TOGARAM1: variants seen among roughly 807,000 people sequenced by gnomAD.
TOGARAM1 encodes the protein TOG array regulator of axonemal microtubules protein 1.
TOGARAM1 carries 100 observed loss-of-function variants against 166.6 expected under a neutral mutation model. The ratio of observed to expected loss-of-function variants is 0.60; its 90% confidence interval spans 0.51 to 0.71. TOGARAM1 has a LOEUF of 0.71. Ranked by LOEUF, TOGARAM1 falls within the 30% of genes least tolerant of loss-of-function variation. The pLI is 0.00. For missense variants in TOGARAM1, 2,029 were observed against 2,102.7 expected (o/e 0.96, Z 0.69); for synonymous variants, 758 against 763.8 (o/e 0.99, Z 0.13).
chr14:45,057,346 T>C (rs1332430673), intron 16 of TOGARAM1, among the ~76,000 whole-genome samples: 1 of 152,212 alleles, frequency 6.6e-6, no homozygotes, highest in African/African-American at 2.4e-5. Context: ...TTTGTTTGGC[T>C]AACCTTGGGG....
chr14:44,966,302 G>A (rs141272448), intron 1 of TOGARAM1, among the ~76,000 whole-genome samples: 3,098 of 150,140 alleles, frequency 0.021, 65 homozygotes, highest in Non-Finnish European at 0.031. Flanking sequence ...TGAAACCCCC[G>A]TCTCTACTAA....
intron 6 of TOGARAM1, among the ~76,000 whole-genome samples, chr14:45,010,298 C>G (rs761433809): frequency 4.6e-5 from 7 of 152,118 alleles, no homozygotes; most frequent in African/African-American, 1.7e-4. Flanking sequence ...TTGTTTTGTA[C>G]TTGGAAGTTT....
Position 45,067,226 on chromosome 14 carries a change from T to C in TOGARAM1, c.4749+459T>C, listed in dbSNP as rs550185223. ...AAGTAAGAGGATAGCTATTTATTAG[T>C]CTGAATCCTGCCACAAGATGGTAAG... On this transcript the variant is annotated intron_variant, in intron 17 of 19. Coordinates refer to ENST00000361462, the MANE Select transcript of TOGARAM1 (RefSeq NM_001308120.2). Among the ~76,000 whole-genome samples, 19 of 152,266 alleles carry C rather than the reference T, an allele frequency of 1.2e-4. 3 individuals are homozygous for C. The highest frequency in any genetic ancestry group is 3.8e-4 in the African/African-American group (16 of 41,568).
intron 7 of TOGARAM1, among the ~76,000 whole-genome samples, chr14:45,016,620 C>T (rs1880157021): frequency 1.3e-5 from 2 of 152,126 alleles, no homozygotes; most frequent in South Asian, 4.1e-4. Context: ...TGGCCTTGAA[C>T]TCCTGGGCCC....
chr14:44,980,756 C>G (rs1325459974), intron 1 of TOGARAM1, among the ~76,000 whole-genome samples: 1 of 152,156 alleles, frequency 6.6e-6, no homozygotes, highest in Non-Finnish European at 1.5e-5. Context: ...TCTTGAATAC[C>G]ATGCTAAGGA....
chr14:45,008,825 A>G, intron 5 of TOGARAM1, 88 bp from the exon 6 acceptor site: 3 of 892,950 alleles, frequency 3.4e-6, no homozygotes, highest in East Asian at 5.3e-5. Context: ...TTAGCTAGGT[A>G]TAGCTAATGG....
chr14:45,011,255 G>A (rs1329575969), intron 6 of TOGARAM1, among the ~76,000 whole-genome samples: 1 of 152,120 alleles, frequency 6.6e-6, no homozygotes. Context: ...GTATTTTTGT[G>A]TTATCATATA....
At chr14:45,045,541 G>GTATATATA (rs1404316560) in intron 13 of TOGARAM1, among the ~76,000 whole-genome samples, 17 of 50,348 alleles carry the variant, frequency 3.4e-4, no homozygotes, top group South Asian at 6.7e-4. Context: ...TGGTCTGTGT[G>GTATATATA]TGTATATATA....
At chr14:44,966,432 C>T (rs1885542921) in intron 1 of TOGARAM1, among the ~76,000 whole-genome samples, 1 of 151,910 alleles carries the variant, frequency 6.6e-6, no homozygotes. Context: ...GAGATCACAC[C>T]ACTGTACCCC....
At chr14:45,064,972 A>T (rs1435409438) in intron 16 of TOGARAM1, among the ~76,000 whole-genome samples, 1 of 151,834 alleles carries the variant, frequency 6.6e-6, no homozygotes, top group Non-Finnish European at 1.5e-5. Context: ...AAAGTGGTTG[A>T]TCTAGACTTT....
At chr14:45,056,228 A>G (rs1383644177) in intron 16 of TOGARAM1, among the ~76,000 whole-genome samples, 2 of 151,970 alleles carry the variant, frequency 1.3e-5, no homozygotes, top group Non-Finnish European at 1.5e-5. Flanking sequence ...TTGATTTTGT[A>G]TCTTGACATT....
intron 7 of TOGARAM1, among the ~76,000 whole-genome samples, chr14:45,015,400 G>A (rs1488999566): frequency 6.6e-6 from 1 of 150,984 alleles, no homozygotes; most frequent in Non-Finnish European, 1.5e-5. Flanking sequence ...AGTTTACATT[G>A]GAAGTATATA....
chr14:45,071,044 C>G (rs1288082985), intron 18 of TOGARAM1, among the ~76,000 whole-genome samples: 1 of 152,098 alleles, frequency 6.6e-6, no homozygotes, highest in African/African-American at 2.4e-5. Context: ...GCCTCAGCCT[C>G]CCAAGTAGCT....
rs757932808 is a variant in TOGARAM1 at position 44,963,350 on chromosome 14, G to A, written c.929G>A (p.Arg310His). ...PSALRRHYNR[R>H]LESQFGSQVP... ...GCCCTGAGGAGACACTACAATCGCC[G>A]CCTGGAGTCCCAGTTTGGAAGTCAG... is the stretch of plus-strand genomic sequence containing the variant. Residue 310 changes from arginine to histidine, a missense_variant, in exon 1 of 20, where the codon CGC becomes CAC. Around this residue, in one of 2 missense-constraint regions of TOGARAM1, gnomAD observed 1,453 missense variants for 1,432.2 expected, o/e 1.01. Transcript: ENST00000361462. 1.2e-6 allele frequency: 2 copies of A among 1,614,098 alleles called. No individual in the cohort carries two copies. The highest frequency in any genetic ancestry group is 1.7e-6 in the Non-Finnish European group (2 of 1,180,012).
intron 3 of TOGARAM1, among the ~76,000 whole-genome samples, chr14:44,999,996 T>A (rs1887619697): frequency 6.6e-6 from 1 of 152,050 alleles, no homozygotes; most frequent in Non-Finnish European, 1.5e-5. Context: ...TTTTATTTAT[T>A]TATTTATTTA....
Position 44,966,112 on chromosome 14 carries a change from G to T in TOGARAM1, c.2046+1645G>T, listed in dbSNP as rs562038287. 1.9e-3 allele frequency among the ~76,000 whole-genome samples: 282 copies of T among 149,130 alleles called. 2 individuals carry two copies. The highest frequency in any genetic ancestry group is 6.5e-3 in the African/African-American group (265 of 40,896). On this transcript the variant is annotated intron_variant, in intron 1 of 19. Coordinates refer to ENST00000361462, the MANE Select transcript of TOGARAM1 (RefSeq NM_001308120.2). ...CCTGTCTCAAACTCCTGACCCACCC[G>T]CCTCGGCATCCCAAAGTGCTGGGAT...
intron 7 of TOGARAM1, among the ~76,000 whole-genome samples, chr14:45,024,411 T>G (rs1880705297): frequency 6.6e-6 from 1 of 151,912 alleles, no homozygotes; most frequent in African/African-American, 2.4e-5. Flanking sequence ...AATTGAGACT[T>G]AATGAACAAT....
chr14:45,064,382 C>T (rs987874393), intron 16 of TOGARAM1, among the ~76,000 whole-genome samples: 9 of 152,174 alleles, frequency 5.9e-5, no homozygotes, highest in South Asian at 2.1e-4. Flanking sequence ...CCTCCAGCCT[C>T]GGTCTTCCAA....
At chr14:45,065,554 A>G (rs1883102707) in intron 16 of TOGARAM1, among the ~76,000 whole-genome samples, 1 of 152,174 alleles carries the variant, frequency 6.6e-6, no homozygotes, top group South Asian at 2.1e-4. Context: ...ACATTGAGTT[A>G]CCCCTTTATA....
Sources: gnomAD v4.1 joint callset for allele counts (sites outside exome capture counted in the v4.1 genomes callset) on GRCh38, gnomAD v4.1.1 for gene constraint, gnomAD v4.1.1 regional missense constraint, MANE v1.5 for transcripts, NCBI Gene and HGNC (gene_info 2026-07-23, HGNC 2026-07-21) for gene names.